Variants in CSMD2 observed in about 807,000 individuals in gnomAD.
CSMD2 encodes CUB and sushi domain-containing protein 2.
CSMD2 carries 130 observed loss-of-function variants against 398.5 expected under a neutral mutation model. The ratio of observed to expected loss-of-function variants is 0.33; its 90% CI spans 0.28 to 0.38. CSMD2 has a LOEUF of 0.38. Among genes scored for constraint, CSMD2 ranks in the 10% least tolerant of loss-of-function variants. The pLI is 1.00. For missense variants in CSMD2, 3,829 were observed against 4,764.9 expected (o/e 0.80, Z 5.78); for synonymous variants, 1,828 against 1,908.5 (o/e 0.96, Z 1.10).
chr1:34,000,689 G>A (rs1646873836), intron 3 of CSMD2, among the ~76,000 whole-genome samples: 1 of 152,068 alleles, frequency 6.6e-6, no homozygotes, highest in Non-Finnish European at 1.5e-5. Context: ...AATGAATAAA[G>A]TAAAAGGCTA....
intron 3 of CSMD2, among the ~76,000 whole-genome samples, chr1:33,939,574 C>T (rs1558134403): frequency 6.6e-6 from 1 of 152,204 alleles, no homozygotes; most frequent in Non-Finnish European, 1.5e-5. Context: ...AATGAACCTG[C>T]TTCTGCTTTG....
intron 25 of CSMD2, among the ~76,000 whole-genome samples, chr1:33,688,119 G>A (rs540290517): frequency 4.6e-5 from 7 of 152,264 alleles, no homozygotes; most frequent in South Asian, 2.1e-4. Flanking sequence ...ACAACTGTTC[G>A]AAGATTCAGG....
intron 4 of CSMD2, among the ~76,000 whole-genome samples, chr1:33,931,082 G>C (rs1644299212): frequency 6.6e-6 from 1 of 152,250 alleles, no homozygotes; most frequent in Non-Finnish European, 1.5e-5. Flanking sequence ...ACCCAGGCTA[G>C]TAATTTCCCT....
chr1:34,038,905 C>T lies in CSMD2; in HGVS notation c.405-6199G>A, dbSNP rs1248229946. 7.2e-5 allele frequency among the ~76,000 whole-genome samples: 11 copies of T among 152,334 alleles called. No individual in the cohort carries two copies. The East Asian group carries it at 9.6e-4, about 13-fold the overall frequency. Reference sequence around the variant, plus strand: ...CCGCTTTTCTCCCACTCCCTTCCTTCGTACACCTGTGGTTTCAGTTCCTTC... The same window carrying T: ...CCGCTTTTCTCCCACTCCCTTCCTTTGTACACCTGTGGTTTCAGTTCCTTC... On this transcript the variant is annotated intron_variant, in intron 2 of 70. Transcript: ENST00000373381.
chr1:34,102,404 GA>G (rs1402995569), intron 1 of CSMD2, among the ~76,000 whole-genome samples: 1 of 152,142 alleles, frequency 6.6e-6, no homozygotes, highest in African/African-American at 2.4e-5. Context: ...TTCACACTGA[GA>G]AAGACTTCTC....
intron 5 of CSMD2, among the ~76,000 whole-genome samples, chr1:33,866,234 C>G (rs1640023562): frequency 6.6e-6 from 1 of 152,170 alleles, no homozygotes; most frequent in South Asian, 2.1e-4. Context: ...TTTCATGTGC[C>G]AGGCCATTTG....
At chr1:33,838,983 G>A (rs947766547) in intron 6 of CSMD2, 2 of 152,340 alleles carry the variant, frequency 1.3e-5, no homozygotes, top group Non-Finnish European at 2.9e-5. Context: ...TTAAGAAGCA[G>A]CCTAAACCTG....
At chr1:33,924,869 C>G (rs1644070257) in intron 4 of CSMD2, among the ~76,000 whole-genome samples, 1 of 152,130 alleles carries the variant, frequency 6.6e-6, no homozygotes, top group Admixed American at 6.5e-5. Context: ...ATGTCCTTAG[C>G]TCACTTTTTA....
intron 2 of CSMD2, among the ~76,000 whole-genome samples, chr1:34,064,578 C>T (rs1654899395): frequency 6.6e-6 from 1 of 152,182 alleles, no homozygotes; most frequent in East Asian, 1.9e-4. Context: ...GTCAGCATTT[C>T]AAAGCCGTTC....
intron 15 of CSMD2, among the ~76,000 whole-genome samples, chr1:33,727,870 A>G (rs1187585902): frequency 6.6e-6 from 1 of 152,116 alleles, no homozygotes. Flanking sequence ...GCTGATGATG[A>G]GGATGATGAT....
At chr1:34,044,366 G>T (rs1369466082) in intron 2 of CSMD2, among the ~76,000 whole-genome samples, 7 of 152,146 alleles carry the variant, frequency 4.6e-5, no homozygotes, top group Non-Finnish European at 1.0e-4. Flanking sequence ...AACCTTCAAG[G>T]CTGGAATAGA....
rs904560580 is a variant in CSMD2 at position 33,635,996 on chromosome 1, C to T, written c.4969+364G>A. 6.6e-6 allele frequency among the ~76,000 whole-genome samples: 1 copy of T among 152,164 alleles called. No homozygotes were observed. Among genetic ancestry groups the T allele is most frequent in the African/African-American group, 2.4e-5 (1 of 41,436 alleles). On this transcript the variant is annotated intron_variant, in intron 30 of 70. Coordinates refer to ENST00000373381, the MANE Select transcript of CSMD2 (RefSeq NM_001281956.2). The surrounding 1 kb of genome is among the most constrained non-coding windows in gnomAD (Gnocchi z 5.0). ...GCACACCCTGCGGGCCTTACTTCAA[C>T]ATATCTGATCTCTCAGTGATTTTCC...
chr1:34,090,055 C>T (rs1339866929), intron 1 of CSMD2, among the ~76,000 whole-genome samples: 1 of 152,196 alleles, frequency 6.6e-6, no homozygotes, highest in Admixed American at 6.5e-5. Flanking sequence ...CCCATGGGCT[C>T]AGTGGCTATT....
intron 5 of CSMD2, among the ~76,000 whole-genome samples, chr1:33,869,713 G>A (rs556446934): frequency 1.4e-4 from 22 of 152,266 alleles, no homozygotes; most frequent in South Asian, 6.2e-4. Flanking sequence ...TTCACTCTGC[G>A]TAGGAGGCAT....
intron 1 of CSMD2, among the ~76,000 whole-genome samples, chr1:34,091,186 G>T (rs2148373512): frequency 6.6e-6 from 1 of 152,288 alleles, no homozygotes; most frequent in South Asian, 2.1e-4. Context: ...TCACCAGGCT[G>T]AATGCTTCAT....
intron 3 of CSMD2, among the ~76,000 whole-genome samples, chr1:34,002,601 C>T (rs557978284): frequency 6.6e-5 from 10 of 152,310 alleles, no homozygotes; most frequent in African/African-American, 2.4e-4. Context: ...CACAAAGTCT[C>T]GTTGCATGCT....
intron 1 of CSMD2, among the ~76,000 whole-genome samples, chr1:34,112,612 C>T (rs1212891512): frequency 6.6e-6 from 1 of 152,198 alleles, no homozygotes; most frequent in African/African-American, 2.4e-5. Context: ...GCATGAATTT[C>T]TGGGTCATAT....
intron 2 of CSMD2, among the ~76,000 whole-genome samples, chr1:34,082,704 C>T (rs559506106): frequency 1.1e-4 from 16 of 152,306 alleles, no homozygotes; most frequent in Non-Finnish European, 2.4e-4. Flanking sequence ...ACATAGGAGA[C>T]TCCATTTTGT....
chr1:33,900,729 G>A (rs568005506), intron 5 of CSMD2, among the ~76,000 whole-genome samples: 40 of 151,472 alleles, frequency 2.6e-4, no homozygotes, highest in Admixed American at 7.2e-4. Context: ...GCAGTGAGCT[G>A]AGATCATGCC....
Sources: allele counts gnomAD v4.1 joint callset (sites outside exome capture counted in the v4.1 genomes callset), GRCh38; gene constraint gnomAD v4.1.1; non-coding constraint Gnocchi (gnomAD v3.1); transcripts MANE v1.5; gene names NCBI Gene and HGNC (gene_info 2026-07-23, HGNC 2026-07-21).